The following MITF variants were observed in gnomAD, a reference collection of about 807,000 sequenced individuals.
MITF encodes the protein microphthalmia-associated transcription factor.
Under a neutral mutation model 60.5 loss-of-function variants are expected in MITF, and 17 were observed. The observed-to-expected ratio is 0.28, with a 90% confidence interval of 0.19 to 0.42. The LOEUF is 0.42. Among genes scored for constraint, MITF ranks in the 10% least tolerant of loss-of-function variants. MITF has a pLI of 1.00. For synonymous variants in MITF, 260 were observed against 248.5 expected (o/e 1.05, Z -0.43); for missense variants, 622 against 683.5 (o/e 0.91, Z 1.00).
intron 1 of MITF, among the ~76,000 whole-genome samples, chr3:69,818,674 A>G (rs1189195277): frequency 6.6e-6 from 1 of 152,204 alleles, no homozygotes; most frequent in Non-Finnish European, 1.5e-5. Flanking sequence ...AATTAAGTAC[A>G]GTTTGGGCTT....
intron 1 of MITF, among the ~76,000 whole-genome samples, chr3:69,843,190 T>C (rs1014458968): frequency 2.6e-5 from 4 of 152,170 alleles, no homozygotes; most frequent in African/African-American, 9.7e-5. Context: ...GATTACAGTG[T>C]GAAGAACAGA....
At position 69,800,089 on chromosome 3, in the gene MITF, C is replaced by T. The variant is rs1254119320; in HGVS notation, c.104+60388C>T. Among the ~76,000 whole-genome samples, 5 of 152,160 alleles carry T rather than the reference C, an allele frequency of 3.3e-5. No homozygotes were observed. In the South Asian group the frequency reaches 6.2e-4, roughly 19 times the overall value. On this transcript the variant is annotated intron_variant, in intron 1 of 9. Transcript: ENST00000352241. ...TTTCCATCACCCCAATAAGAAGCTT[C>T]GTACCTATTAGCAGTTAGTCCCAAC...
intron 1 of MITF, among the ~76,000 whole-genome samples, chr3:69,815,932 T>C (rs62251031): frequency 0.16 from 23,909 of 152,156 alleles, 2,136 homozygotes; most frequent in South Asian, 0.21. Flanking sequence ...AGTCGTCTTA[T>C]TGTAGGCTTA....
At chr3:69,942,572 A>T (rs1024934157) in intron 5 of MITF, among the ~76,000 whole-genome samples, 2 of 152,036 alleles carry the variant, frequency 1.3e-5, no homozygotes, top group Non-Finnish European at 2.9e-5. Flanking sequence ...TATGATATTT[A>T]GAGTTTGTCT....
chr3:69,908,118 T>C (rs2065142066), intron 2 of MITF, among the ~76,000 whole-genome samples: 1 of 152,146 alleles, frequency 6.6e-6, no homozygotes, highest in South Asian at 2.1e-4. Context: ...AGAATCTAGA[T>C]GGATACATGA....
intron 2 of MITF, among the ~76,000 whole-genome samples, chr3:69,904,079 A>C (rs899634049): frequency 2.0e-5 from 3 of 152,118 alleles, no homozygotes; most frequent in African/African-American, 7.2e-5. Flanking sequence ...GTCTAGAAAC[A>C]AGGTATTGCC....
Position 69,949,109 on chromosome 3 carries a change from G to T in MITF, c.821G>T (p.Gly274Val). 1.2e-6 allele frequency: 2 copies of T among 1,613,622 alleles called. No homozygotes were observed. Among genetic ancestry groups the T allele is most frequent in the Non-Finnish European group, 8.5e-7 (1 of 1,179,830 alleles). ...GGAAACCAAGGTCTGCCCCCACCAGGCCTCACCATCAGCAACTCCTGTCCA... is the reference window on the plus strand; with the variant it reads ...GGAAACCAAGGTCTGCCCCCACCAGTCCTCACCATCAGCAACTCCTGTCCA... ...LYGNQGLPPP[G>V]LTISNSCPAN... The change falls in exon 6 of 10, where the codon GGC becomes GTC. Residue 274 changes from glycine (G) to valine (V), a missense_variant. By Grantham distance (109) the Gly-to-Val change is moderately radical (BLOSUM62 -3). Transcript: ENST00000352241.
chr3:69,964,325 G>GTCTAATGACGCGCATCTACCATT (rs376752769), intron 9 of MITF, among the ~76,000 whole-genome samples: 4 of 137,094 alleles, frequency 2.9e-5, no homozygotes, highest in South Asian at 2.4e-4. Flanking sequence ...TAATATCTGT[G>GTCTAATGACGCGCATCTACCATT]AGAGACCATC....
At chr3:69,749,982 G>A (rs934970209) in intron 1 of MITF, among the ~76,000 whole-genome samples, 3 of 152,164 alleles carry the variant, frequency 2.0e-5, no homozygotes, top group Non-Finnish European at 2.9e-5. Context: ...ATTCAGCAGT[G>A]AATGAGAGAG....
intron 9 of MITF, among the ~76,000 whole-genome samples, chr3:69,960,987 C>T (rs1351830624): frequency 6.6e-6 from 1 of 152,144 alleles, no homozygotes; most frequent in Non-Finnish European, 1.5e-5. Context: ...CCCTCCTTTC[C>T]CCTCCCCTCC....
chr3:69,849,207 G>T (rs376425730), intron 1 of MITF, among the ~76,000 whole-genome samples: 5 of 151,710 alleles, frequency 3.3e-5, no homozygotes, highest in African/African-American at 9.7e-5. Context: ...CTCGTGATCC[G>T]CCCGCCTCGG....
At chr3:69,852,001 A>C (rs2107180475) in intron 1 of MITF, among the ~76,000 whole-genome samples, 1 of 152,260 alleles carries the variant, frequency 6.6e-6, no homozygotes, top group Non-Finnish European at 1.5e-5. Context: ...TGCACTCAGT[A>C]ATGTAACCAT....
chr3:69,916,462 A>G (rs1451290041), intron 2 of MITF, among the ~76,000 whole-genome samples: 1 of 152,174 alleles, frequency 6.6e-6, no homozygotes, highest in Non-Finnish European at 1.5e-5. Context: ...CCTTTCCTTA[A>G]TTGACTTAAA....
intron 1 of MITF, among the ~76,000 whole-genome samples, chr3:69,833,452 C>T (rs1020683277): frequency 4.0e-5 from 6 of 151,652 alleles, no homozygotes; most frequent in African/African-American, 9.7e-5. Flanking sequence ...TCTATTTACA[C>T]TGTATGTGAT....
At chr3:69,746,720 T>C (rs1703740647) in intron 1 of MITF, among the ~76,000 whole-genome samples, 1 of 152,200 alleles carries the variant, frequency 6.6e-6, no homozygotes, top group African/African-American at 2.4e-5. Flanking sequence ...TATAAGAAGG[T>C]TTTTGTGAGT....
At chr3:69,954,897 T>C (rs920291148) in intron 7 of MITF, among the ~76,000 whole-genome samples, 1 of 152,192 alleles carries the variant, frequency 6.6e-6, no homozygotes, top group East Asian at 1.9e-4. Flanking sequence ...AGACTATTAG[T>C]GGAACAAAAA....
intron 2 of MITF, among the ~76,000 whole-genome samples, chr3:69,935,242 G>A (rs2065806603): frequency 6.6e-6 from 1 of 152,158 alleles, no homozygotes; most frequent in Non-Finnish European, 1.5e-5. Context: ...AACAGTAAAA[G>A]AGCCAAATAT....
chr3:69,775,890 AT>A (rs2062465883), intron 1 of MITF, among the ~76,000 whole-genome samples: 1 of 152,236 alleles, frequency 6.6e-6, no homozygotes, highest in Non-Finnish European at 1.5e-5. Context: ...AATTGTTCAT[AT>A]CAAAAGATGG....
At chr3:69,933,475 T>C (rs143019831) in intron 2 of MITF, among the ~76,000 whole-genome samples, 52 of 152,222 alleles carry the variant, frequency 3.4e-4, no homozygotes, top group African/African-American at 1.1e-3. Context: ...GTGTGACAGT[T>C]AGGAGGTGAT....
Sources: gnomAD v4.1 joint callset for allele counts (sites outside exome capture counted in the v4.1 genomes callset) on GRCh38, gnomAD v4.1.1 for gene constraint, MANE v1.5 for transcripts, NCBI Gene and HGNC (gene_info 2026-07-23, HGNC 2026-07-21) for gene names.